Variants in IRX2 observed in about 807,000 individuals in gnomAD.
The protein encoded by IRX2 is iroquois homeobox 2, also known as iroquois-class homeodomain protein IRX-2.
Under a neutral mutation model 42.9 loss-of-function variants are expected in IRX2, and 26 were observed. That is an observed-to-expected ratio of 0.61 (90% CI 0.44 to 0.84). The LOEUF (loss-of-function observed/expected upper bound fraction) is 0.84. IRX2 is among the 40% of genes least tolerant of loss of function. The pLI, the probability that IRX2 is intolerant of heterozygous loss-of-function variation, is 0.00. For synonymous variants in IRX2, 424 were observed against 353.9 expected (o/e 1.20, Z -2.22); for missense variants, 782 against 713.9 (o/e 1.10, Z -1.09).
In IRX2 at chr5:2,749,684, C is replaced by G. The variant is rs1410586686; in HGVS notation, c.353G>C (p.Arg118Pro). 2 of 1,614,168 alleles carry G rather than the reference C, an allele frequency of 1.2e-6. No homozygotes were observed. Among genetic ancestry groups the G allele is most frequent in the Admixed American group, 1.7e-5 (1 of 60,028 alleles). The change falls in exon 2 of 4, where the codon CGC becomes CCC. Residue 118 changes from arginine to proline, a missense_variant. Arg to Pro is a moderately radical substitution (Grantham distance 103). Around this residue, in one of 3 missense-constraint regions of IRX2, gnomAD observed 256 missense variants for 250.0 expected, o/e 1.02. Coordinates refer to ENST00000302057, the MANE Select transcript of IRX2 (RefSeq NM_033267.5). ...CGTGGCGTCCCGCGTGGCGTTCTTG[C>G]GGTACGCGGGGTCGTTGAGCTGGTA... is the stretch of plus-strand genomic sequence containing the variant. ...YPYQLNDPAYRKNATRDATAT... is the reference protein window; with the variant it reads ...YPYQLNDPAYPKNATRDATAT...
At chr5:2,743,225 C>T (rs79931257), downstream of IRX2, among the ~76,000 whole-genome samples, 19,324 of 152,208 alleles carry the variant, frequency 0.13, 1,356 homozygotes, top group African/African-American at 0.19. Flanking sequence ...TTCCTCTCTC[C>T]GCTCCCCGCC....
At chr5:2,742,016 A>G (rs942316973), downstream of IRX2, among the ~76,000 whole-genome samples, 1 of 152,296 alleles carries the variant, frequency 6.6e-6, no homozygotes, top group East Asian at 1.9e-4. Flanking sequence ...TTCAATTATT[A>G]TCTTTCTTAG....
chr5:2,739,350 G>A, the IRX2 span, among the ~76,000 whole-genome samples: 1 of 152,198 alleles, frequency 6.6e-6, no homozygotes, highest in African/African-American at 2.4e-5. Context: ...TACGGCCTGG[G>A]GTCCCGTCGG....
chr5:2,742,154 G>A (rs1425897136), downstream of IRX2, among the ~76,000 whole-genome samples: 1 of 152,180 alleles, frequency 6.6e-6, no homozygotes, highest in Admixed American at 6.5e-5. Context: ...TGAAGGGAGA[G>A]GCTGATGCAT....
chr5:2,749,151 G>A (rs576082251), intron 2 of IRX2, 99 bp from the exon 3 acceptor site: 1 of 1,506,888 alleles, frequency 6.6e-7, no homozygotes, highest in Non-Finnish European at 8.8e-7. Context: ...CTCCCCACGG[G>A]ACCCCTCACC....
Position 2,751,311 on chromosome 5 carries a change from C to A in IRX2, c.103G>T (p.Glu35Ter). The A allele has an allele frequency of 7.0e-7, 1 of 1,437,074 alleles. No individual in the cohort carries two copies. The allele number at this position is 1,437,074 out of a possible 1,614,324, so 89.0% of individuals were successfully genotyped here. The part of the protein sequence containing the change: ...ASALAAPRSE[E>*]LARSASGSAF... The stretch of plus-strand genomic sequence containing the variant: ...GAGCCCGACGCCGAGCGCGCCAGCT[C>A]CTCGCTGCGCGGAGCCGCCAAAGCC... Residue 35 changes from glutamate to a stop codon, truncating the protein, a stop_gained, in exon 1 of 4, where the codon GAG becomes TAG. Transcript: ENST00000302057. LOFTEE classifies it high-confidence loss of function. The surrounding 1 kb of genome is among the most constrained non-coding windows in gnomAD (Gnocchi z 4.0).
Position 2,749,670 on chromosome 5 carries a change from G to A in IRX2, c.367C>T (p.Arg123Trp). 2 of 1,614,172 alleles carry A rather than the reference G, an allele frequency of 1.2e-6. No homozygotes were observed. The highest frequency in any genetic ancestry group is 1.7e-6 in the Non-Finnish European group (2 of 1,180,030). The change falls in exon 2 of 4, where the codon CGG becomes TGG. Residue 123 changes from arginine (R) to tryptophan (W), a missense_variant. Transcript: ENST00000302057. ...NDPAYRKNAT[R>W]DATATLKAWL... ...GCCTTGAGAGTGGCCGTGGCGTCCC[G>A]CGTGGCGTTCTTGCGGTACGCGGGG...
chr5:2,740,645 G>T, the IRX2 span, among the ~76,000 whole-genome samples: 1 of 152,152 alleles, frequency 6.6e-6, no homozygotes, highest in Non-Finnish European at 1.5e-5. Context: ...TTAAGGGCTT[G>T]AGCCAGCTTC....
the IRX2 span, chr5:2,737,838 A>G: frequency 1.3e-5 from 2 of 152,032 alleles, no homozygotes; most frequent in African/African-American, 4.8e-5. Context: ...ATTTCGGGCC[A>G]TCACTGATCT....
chr5:2,751,338 A>G lies in IRX2; in HGVS notation c.76T>C (p.Ser26Pro). Reference sequence around the variant, plus strand: ...TCGCTGCGCGGAGCCGCCAAAGCCGACGCGCCGTAGGCCGGGCACGAGTAG... The same window carrying G: ...TCGCTGCGCGGAGCCGCCAAAGCCGGCGCGCCGTAGGCCGGGCACGAGTAG... ...ALYSCPAYGA[S>P]ALAAPRSEEL... Residue 26 changes from serine (S) to proline (P), a missense_variant, in exon 1 of 4, where the codon TCG (serine) becomes CCG (proline). By Grantham distance (74) the Ser-to-Pro change is moderately conservative (BLOSUM62 -1). Around this residue, in one of 3 missense-constraint regions of IRX2, gnomAD observed 256 missense variants for 250.0 expected, o/e 1.02. Transcript: ENST00000302057. The surrounding 1 kb of genome is among the most constrained non-coding windows in gnomAD (Gnocchi z 4.0). The G allele has an allele frequency of 6.9e-7, 1 of 1,439,982 alleles. No homozygotes were observed. The highest frequency in any genetic ancestry group is 9.1e-7 in the Non-Finnish European group (1 of 1,097,254). 89.2% of individuals were successfully genotyped at this position (1,439,982 alleles called of 1,614,324 possible). A position where few individuals can be genotyped will look rare whatever the true frequency, so the allele number is the denominator to read the frequency against.
At position 2,751,249 on chromosome 5, in the gene IRX2, C is replaced by G. The variant is rs775726682; in HGVS notation, c.165G>C (p.Thr55=). The G allele has an allele frequency of 1.2e-5, 17 of 1,400,354 alleles. No individual in the cohort carries two copies. Among genetic ancestry groups the G allele is most frequent in the African/African-American group, 3.0e-5 (2 of 65,986 alleles). 86.7% of individuals were successfully genotyped at this position (1,400,354 alleles called of 1,614,324 possible). A position where few individuals can be genotyped will look rare whatever the true frequency, so the allele number is the denominator to read the frequency against. The change falls in exon 1 of 4, where the codon ACG becomes ACC. Residue 55 remains threonine, a synonymous_variant. Coordinates refer to ENST00000302057, the MANE Select transcript of IRX2 (RefSeq NM_033267.5). This position sits in a 1 kb window ranked among gnomAD's most constrained non-coding sequence, Gnocchi z 4.0. ...TCCCGAAGCCGGTGGCCGCCTGCGC[C>G]GTGAAGGCCGCCGAGCCCGGGTAGG... ...FSPYPGSAAF[T]AQAATGFGSP... is the part of the protein sequence containing the mutation.
chr5:2,741,558 T>G (rs1483918140), downstream of IRX2, among the ~76,000 whole-genome samples: 1 of 152,166 alleles, frequency 6.6e-6, no homozygotes, highest in Non-Finnish European at 1.5e-5. Context: ...ATTAACTAAT[T>G]ACCAGATCAG....
At chr5:2,739,017 C>T in the IRX2 span, among the ~76,000 whole-genome samples, 1 of 152,216 alleles carries the variant, frequency 6.6e-6, no homozygotes, top group Non-Finnish European at 1.5e-5. Context: ...CCATCCCGGC[C>T]GCTGACTCCG....
At chr5:2,750,160 C>A (rs1406930056) in intron 1 of IRX2, among the ~76,000 whole-genome samples, 1 of 152,096 alleles carries the variant, frequency 6.6e-6, no homozygotes, top group Non-Finnish European at 1.5e-5. Context: ...GGCTGCCTCC[C>A]CCTACTCCCT....
At chr5:2,739,718 G>A in the IRX2 span, among the ~76,000 whole-genome samples, 4 of 152,182 alleles carry the variant, frequency 2.6e-5, no homozygotes, top group African/African-American at 9.7e-5. Flanking sequence ...TGTTCACCCT[G>A]CGCGCGCGGT....
At chr5:2,742,738 A>T (rs1737569755), downstream of IRX2, among the ~76,000 whole-genome samples, 1 of 152,216 alleles carries the variant, frequency 6.6e-6, no homozygotes, top group Admixed American at 6.5e-5. Flanking sequence ...CTTTCTCATA[A>T]TTCACTTCAG....
intron 1 of IRX2, among the ~76,000 whole-genome samples, chr5:2,750,191 T>TA (rs766962676): frequency 3.3e-5 from 5 of 151,996 alleles, no homozygotes; most frequent in Admixed American, 3.3e-4. Context: ...CTTATATGGT[T>TA]AAAAAAACAC....
chr5:2,749,998 T>C (rs1271464827), intron 1 of IRX2, among the ~76,000 whole-genome samples: 4 of 152,212 alleles, frequency 2.6e-5, no homozygotes, highest in African/African-American at 9.6e-5. Context: ...TATTCTCGAA[T>C]TTCTGAACTA....
downstream of IRX2, among the ~76,000 whole-genome samples, chr5:2,743,763 T>C (rs1409396444): frequency 6.8e-6 from 1 of 147,146 alleles, no homozygotes; most frequent in African/African-American, 2.6e-5. Flanking sequence ...ATCTCTCTCT[T>C]TCTCTCTCCT....
Sources: gnomAD v4.1 joint callset for allele counts (sites outside exome capture counted in the v4.1 genomes callset) on GRCh38, gnomAD v4.1.1 for gene constraint, gnomAD v4.1.1 regional missense constraint, Gnocchi (gnomAD v3.1) non-coding constraint, MANE v1.5 for transcripts, NCBI Gene and HGNC (gene_info 2026-07-23, HGNC 2026-07-21) for gene names.